The following IQSEC2 variants were observed in gnomAD, a reference collection of about 807,000 sequenced individuals.
IQSEC2 encodes the protein IQ motif and SEC7 domain-containing protein 2.
Under a neutral mutation model 74.6 loss-of-function variants are expected in IQSEC2, and 6 were observed. The observed-to-expected ratio is 0.08, with a 90% CI of 0.04 to 0.16. IQSEC2 has a LOEUF of 0.16. Ranked by LOEUF, IQSEC2 falls within the 10% of genes least tolerant of loss-of-function variation. The pLI, the probability that IQSEC2 is intolerant of heterozygous loss-of-function variation, is 1.00. For synonymous variants in IQSEC2, 494 were observed against 544.5 expected (o/e 0.91, Z 1.29); for missense variants, 734 against 1,306.2 (o/e 0.56, Z 6.75).
Position 53,291,926 on chromosome X carries a change from T to G in IQSEC2, c.708-2A>C. ...GTTCTGGAATTCTCACCATCAGATC[T>G]GAAAGGGAAACAGAGAAAAAAAACC... On this transcript the variant is annotated splice_acceptor_variant, in intron 1 of 14. Coordinates refer to ENST00000642864, the MANE Select transcript of IQSEC2 (RefSeq NM_001111125.3). LOFTEE classifies it high-confidence loss of function. 1 of 1,165,629 alleles carries G rather than the reference T, an allele frequency of 8.6e-7. No homozygotes were observed. Among genetic ancestry groups the G allele is most frequent in the Non-Finnish European group, 1.1e-6 (1 of 871,511 alleles).
chrX:53,316,179 C>T (rs782816377), intron 1 of IQSEC2, among the ~76,000 whole-genome samples: 9 of 112,054 alleles, frequency 8.0e-5, no homozygotes, highest in Non-Finnish European at 1.1e-4. Context: ...GCCCCTCCTG[C>T]GCTGTGCACA....
chrX:53,249,570 C>A (rs2074354587), intron 5 of IQSEC2, among the ~76,000 whole-genome samples: 1 of 112,393 alleles, frequency 8.9e-6, no homozygotes, highest in South Asian at 3.7e-4. Flanking sequence ...CTACTGCCTG[C>A]CTTGCTGAGT....
intron 3 of IQSEC2, 122 bp from the exon 4 acceptor site, chrX:53,255,053 C>T: frequency 1.5e-6 from 1 of 656,581 alleles, no homozygotes. Context: ...CCGAGAGCGC[C>T]AGGCTAGGTG....
chrX:53,289,542 G>A (rs905514462), intron 2 of IQSEC2, among the ~76,000 whole-genome samples: 45 of 111,273 alleles, frequency 4.0e-4, no homozygotes, highest in African/African-American at 1.4e-3. Flanking sequence ...GGCAGTCCCC[G>A]ACAGCCCTGC....
chrX:53,233,949 C>A lies in IQSEC2; in HGVS notation c.*270G>T, dbSNP rs1396960437. 1.0e-5 allele frequency: 3 copies of A among 295,045 alleles called. No individual in the cohort carries two copies. The highest frequency in any genetic ancestry group is 6.2e-5 in the Admixed American group (1 of 16,063). 24.3% of individuals were successfully genotyped at this position (295,045 alleles called of 1,213,427 possible). ...GAAGAAGAAGACGGGAGAAAGAGTA[C>A]GAGGATCTCTGGAAGGCCCTCACCA... On this transcript the variant is annotated 3_prime_UTR_variant, in exon 15 of 15. Coordinates refer to ENST00000642864, the MANE Select transcript of IQSEC2 (RefSeq NM_001111125.3).
At chrX:53,266,816 G>T (rs985624985) in intron 2 of IQSEC2, 2 of 1,060,038 alleles carry the variant, frequency 1.9e-6, no homozygotes. Flanking sequence ...GAAGAAGGTG[G>T]GGGGAGGAAG....
intron 2 of IQSEC2, among the ~76,000 whole-genome samples, chrX:53,282,445 G>A (rs1224703897): frequency 2.7e-5 from 3 of 112,725 alleles, no homozygotes; most frequent in African/African-American, 9.7e-5. Context: ...AAGGATGTAG[G>A]GCTCCTGAGA....
chrX:53,239,277 C>A lies in IQSEC2; in HGVS notation c.3033G>T (p.Gln1011His). Reference protein sequence around the residue: ...NDLLVVTKIFQKKKILVTYSF... With the variant: ...NDLLVVTKIFHKKKILVTYSF... ...TGTACGTCACCAAGATCTTCTTCTT[C>A]TGGAAAATTTTGGTGACCTTTGGCA... The change falls in exon 11 of 15, where the codon CAG (glutamine) becomes CAT (histidine). Residue 1011 changes from glutamine (Q) to histidine (H), a missense_variant. Transcript: ENST00000642864. The A allele has an allele frequency of 8.3e-7, 1 of 1,208,527 alleles. No homozygotes were observed. The highest frequency in any genetic ancestry group is 1.1e-6 in the Non-Finnish European group (1 of 892,957).
downstream of IQSEC2, chrX:53,229,722 A>G (rs1253873909): frequency 8.9e-6 from 1 of 111,957 alleles, no homozygotes; most frequent in East Asian, 2.8e-4. Context: ...ACATATTGAA[A>G]GAATGACGGC....
At chrX:53,313,959 G>A (rs1481411259) in intron 1 of IQSEC2, among the ~76,000 whole-genome samples, 2 of 112,361 alleles carry the variant, frequency 1.8e-5, no homozygotes, top group Non-Finnish European at 3.8e-5. Flanking sequence ...ATGGCTCCAG[G>A]GAGCATGAGA....
chrX:53,318,095 C>T (rs781821862), intron 1 of IQSEC2, among the ~76,000 whole-genome samples: 65 of 111,785 alleles, frequency 5.8e-4, no homozygotes, highest in Non-Finnish European at 1.1e-3. Flanking sequence ...GCCTTGGAGA[C>T]AGGAAGACTT....
chrX:53,249,309 G>A (rs1027523902), intron 5 of IQSEC2, among the ~76,000 whole-genome samples: 2 of 111,753 alleles, frequency 1.8e-5, no homozygotes, highest in Admixed American at 9.5e-5. Context: ...TCCCACTCAG[G>A]CAGGTATCAC....
chrX:53,259,412 C>T (rs1556866007), intron 2 of IQSEC2, among the ~76,000 whole-genome samples: 2 of 105,578 alleles, frequency 1.9e-5, no homozygotes, highest in South Asian at 4.2e-4. Flanking sequence ...GGCTGAGGCA[C>T]GAGAATCGCT....
intron 1 of IQSEC2, among the ~76,000 whole-genome samples, chrX:53,301,091 G>T (rs2075206425): frequency 8.9e-6 from 1 of 112,290 alleles, no homozygotes; most frequent in Non-Finnish European, 1.9e-5. Flanking sequence ...ATTTAAAAAT[G>T]CATTGAAAGT....
rs2147100123 is a variant in IQSEC2 at position 53,250,788 on chromosome X, A to G, written c.1788T>C (p.Ile596=). The change falls in exon 5 of 15, where the codon ATT becomes ATC. Residue 596 remains isoleucine, a synonymous_variant. Transcript: ENST00000642864. ...CCACGGAGCTGTCACTAGGAGGCTC[A>G]ATGGTAAGCAGGGGAAGGTGGGCAG... The part of the protein sequence containing the change: ...LRAAHLPLLT[I]EPPSDSSVDL... The G allele has an allele frequency of 2.5e-6, 3 of 1,209,870 alleles. No individual in the cohort carries two copies. The highest frequency in any genetic ancestry group is 3.4e-6 in the Non-Finnish European group (3 of 894,417).
Position 53,296,262 on chromosome X carries a change from C to T in IQSEC2, c.708-4338G>A, listed in dbSNP as rs1602355223. The stretch of plus-strand genomic sequence containing the variant: ...GTTGGTCAGGCTGGTCTCGAACTCC[C>T]GACCTCAGGCAATCCACCTGCCTCA... On this transcript the variant is annotated intron_variant, in intron 1 of 14. Transcript: ENST00000642864. Among the ~76,000 whole-genome samples the T allele has an allele frequency of 3.6e-5, 4 of 110,579 alleles. No individual in the cohort carries two copies. In the South Asian group the frequency reaches 1.6e-3, roughly 43 times the overall value.
At chrX:53,279,808 G>C (rs934532804) in intron 2 of IQSEC2, 1 of 450,010 alleles carries the variant, frequency 2.2e-6, no homozygotes, top group Non-Finnish European at 3.9e-6. Context: ...AAATGGAAGA[G>C]GAGGCGTGGG....
intron 2 of IQSEC2, among the ~76,000 whole-genome samples, chrX:53,289,642 G>A (rs1421166036): frequency 9.0e-6 from 1 of 111,339 alleles, no homozygotes; most frequent in African/African-American, 3.3e-5. Flanking sequence ...AGCCCTGGTT[G>A]CAAGTTCAAG....
In IQSEC2 at chrX:53,250,266, G is replaced by C; in HGVS notation, c.2297+13C>G. 8.3e-7 allele frequency: 1 copy of C among 1,209,759 alleles called. No homozygotes were observed. The highest frequency in any genetic ancestry group is 1.8e-5 in the South Asian group (1 of 56,898). ...TAGGAAGGGGTAAGCAGGCTAGAACGGGGAGCACGCACTTGTTGAAGAGGT... is the reference window on the plus strand; with the variant it reads ...TAGGAAGGGGTAAGCAGGCTAGAACCGGGAGCACGCACTTGTTGAAGAGGT... On this transcript the variant is annotated intron_variant, in intron 5 of 14. Coordinates refer to ENST00000642864, the MANE Select transcript of IQSEC2 (RefSeq NM_001111125.3).
Sources: allele counts gnomAD v4.1 joint callset (sites outside exome capture counted in the v4.1 genomes callset), GRCh38; gene constraint gnomAD v4.1.1; transcripts MANE v1.5; gene names NCBI Gene and HGNC (gene_info 2026-07-23, HGNC 2026-07-21).